The following CTNNA3 variants were observed in gnomAD, a reference collection of about 807,000 sequenced individuals.
CTNNA3 encodes the protein catenin alpha 3, also known as catenin alpha-3.
In CTNNA3, 76 loss-of-function variants were observed where a neutral mutation model predicts 95.7. The ratio of observed to expected loss-of-function variants is 0.79; its 90% CI spans 0.66 to 0.96. The LOEUF (loss-of-function observed/expected upper bound fraction) is 0.96, where lower values mean the gene tolerates loss of function less well. Ranked by LOEUF, CTNNA3 falls within the 40% of genes least tolerant of loss-of-function variation. The pLI, the probability that CTNNA3 is intolerant of heterozygous loss-of-function variation, is 0.00. For synonymous variants in CTNNA3, 431 were observed against 374.4 expected (o/e 1.15, Z -1.74); for missense variants, 1,191 against 1,089.8 (o/e 1.09, Z -1.31).
At chr10:67,338,029 A>G (rs1328527881) in intron 5 of CTNNA3, among the ~76,000 whole-genome samples, 3 of 152,094 alleles carry the variant, frequency 2.0e-5, no homozygotes, top group Non-Finnish European at 2.9e-5. Context: ...AGAGAGGGAG[A>G]CCTAGGAAAA....
chr10:66,421,745 G>T (rs1055186784), intron 11 of CTNNA3, among the ~76,000 whole-genome samples: 18 of 147,576 alleles, frequency 1.2e-4, no homozygotes, highest in Admixed American at 1.2e-3. Flanking sequence ...CTGAGGCAAA[G>T]AAATGGCTGA....
At chr10:66,269,649 C>T (rs2091234442) in intron 13 of CTNNA3, among the ~76,000 whole-genome samples, 1 of 152,142 alleles carries the variant, frequency 6.6e-6, no homozygotes, top group Admixed American at 6.5e-5. Context: ...AATTTTGTGA[C>T]TTTTTAGAGC....
At chr10:66,084,034 C>T (rs2080872604) in intron 14 of CTNNA3, among the ~76,000 whole-genome samples, 1 of 150,640 alleles carries the variant, frequency 6.6e-6, no homozygotes, top group Non-Finnish European at 1.5e-5. Flanking sequence ...ATTCGGGAGG[C>T]TGAGACAGGA....
intron 15 of CTNNA3, among the ~76,000 whole-genome samples, chr10:66,048,715 C>T (rs547883162): frequency 1.3e-5 from 2 of 152,166 alleles, no homozygotes; most frequent in South Asian, 2.1e-4. Flanking sequence ...GAGCCAAGAT[C>T]GTGCCACTGC....
intron 5 of CTNNA3, among the ~76,000 whole-genome samples, chr10:67,303,380 T>C (rs1226639767): frequency 6.6e-6 from 1 of 152,164 alleles, no homozygotes; most frequent in Non-Finnish European, 1.5e-5. Flanking sequence ...AGTGGCCAAA[T>C]TCAACCAGAA....
chr10:66,309,307 T>A (rs1269521218), intron 12 of CTNNA3, among the ~76,000 whole-genome samples: 1 of 152,142 alleles, frequency 6.6e-6, no homozygotes, highest in African/African-American at 2.4e-5. Context: ...TTATGTGCCA[T>A]CATAACAGTT....
At chr10:66,465,892 TG>T (rs1237292546) in intron 11 of CTNNA3, among the ~76,000 whole-genome samples, 3 of 152,242 alleles carry the variant, frequency 2.0e-5, no homozygotes, top group African/African-American at 7.2e-5. Flanking sequence ...ACATTATAGA[TG>T]TGAACAAAAT....
chr10:66,360,686 CCTTCCT>C (rs2092655469), intron 12 of CTNNA3, among the ~76,000 whole-genome samples: 4 of 43,954 alleles, frequency 9.1e-5, no homozygotes, highest in Non-Finnish European at 2.0e-4. Context: ...TTCCTTCCTT[CCTTCCT>C]TTTCTTTCTT....
rs1026330473 is a variant in CTNNA3 at position 65,915,025 on chromosome 10, G to C, written c.*5305C>G. 7.2e-5 allele frequency: 11 copies of C among 152,040 alleles called. 1 individual carries two copies. The highest frequency in any genetic ancestry group is 6.6e-4 in the Admixed American group (10 of 15,234). The allele number at this position is 152,040 out of a possible 1,614,324, so 9.4% of individuals were successfully genotyped here. The stretch of plus-strand genomic sequence containing the variant: ...GGAGGATTGAATAAGATAATAGTTA[G>C]CATTTAACACAGAGCTGGCACATGA... On this transcript the variant is annotated 3_prime_UTR_variant, in exon 18 of 18. Transcript: ENST00000433211.
At chr10:67,509,807 A>C (rs1306769494) in intron 5 of CTNNA3, among the ~76,000 whole-genome samples, 1 of 152,174 alleles carries the variant, frequency 6.6e-6, no homozygotes, top group African/African-American at 2.4e-5. Flanking sequence ...CACTCCCACC[A>C]ACAGTGTAAA....
chr10:66,555,129 G>A (rs562110253), intron 10 of CTNNA3, among the ~76,000 whole-genome samples: 2 of 152,186 alleles, frequency 1.3e-5, no homozygotes, highest in South Asian at 2.1e-4. Context: ...TTGAAAAGGG[G>A]TTCTAGTCAG....
chr10:66,220,292 A>G (rs2088850479), intron 13 of CTNNA3, among the ~76,000 whole-genome samples: 1 of 152,172 alleles, frequency 6.6e-6, no homozygotes, highest in South Asian at 2.1e-4. Flanking sequence ...TGTGATTATA[A>G]TTTGTAGAAC....
At chr10:66,441,682 A>G (rs2093376396) in intron 11 of CTNNA3, among the ~76,000 whole-genome samples, 1 of 152,218 alleles carries the variant, frequency 6.6e-6, no homozygotes, top group Non-Finnish European at 1.5e-5. Flanking sequence ...TATCCATTGT[A>G]TGCTTTCAAA....
intron 2 of CTNNA3, among the ~76,000 whole-genome samples, chr10:67,614,956 G>T (rs1843598604): frequency 6.6e-6 from 1 of 152,036 alleles, no homozygotes; most frequent in Non-Finnish European, 1.5e-5. Flanking sequence ...TTCTGATAAG[G>T]ACACCAGTCA....
rs1249879197 is a variant in CTNNA3 at position 66,091,903 on chromosome 10, T to C, written c.1977+11254A>G. 2.0e-5 allele frequency among the ~76,000 whole-genome samples: 3 copies of C among 151,912 alleles called. No homozygotes were observed. In the East Asian group the frequency reaches 5.8e-4, roughly 29 times the overall value. On this transcript the variant is annotated intron_variant, in intron 14 of 17. Coordinates refer to ENST00000433211, the MANE Select transcript of CTNNA3 (RefSeq NM_013266.4). ...AGTTTAGAAGGTTGCAAAATAATAA[T>C]ATAAAGCTATGCATATAAGATAATT...
chr10:67,399,137 G>C (rs553528668), intron 5 of CTNNA3, among the ~76,000 whole-genome samples: 1 of 152,088 alleles, frequency 6.6e-6, no homozygotes, highest in Non-Finnish European at 1.5e-5. Context: ...AGTGGGGGCA[G>C]AGGCAGAAGA....
intron 10 of CTNNA3, among the ~76,000 whole-genome samples, chr10:66,592,338 CA>C (rs2132232271): frequency 6.6e-6 from 1 of 152,138 alleles, no homozygotes; most frequent in South Asian, 2.1e-4. Context: ...TTCCTTTCTT[CA>C]AAAAATATTT....
intron 7 of CTNNA3, among the ~76,000 whole-genome samples, chr10:66,884,146 T>C (rs1318456440): frequency 6.6e-6 from 1 of 152,078 alleles, no homozygotes; most frequent in Non-Finnish European, 1.5e-5. Context: ...GGAAGGGCAT[T>C]AATCTATTCA....
At chr10:66,152,188 C>A (rs1325348440) in intron 13 of CTNNA3, among the ~76,000 whole-genome samples, 1 of 151,788 alleles carries the variant, frequency 6.6e-6, no homozygotes, top group Non-Finnish European at 1.5e-5. Flanking sequence ...ATTAAGACAG[C>A]AGAAGATGTT....
Sources: gnomAD v4.1 joint callset for allele counts (sites outside exome capture counted in the v4.1 genomes callset) on GRCh38, gnomAD v4.1.1 for gene constraint, MANE v1.5 for transcripts, NCBI Gene and HGNC (gene_info 2026-07-23, HGNC 2026-07-21) for gene names.